Variants in LRRTM3 observed in about 807,000 individuals in gnomAD.
LRRTM3 encodes the protein leucine rich repeat transmembrane neuronal 3.
A neutral mutation model predicts 44.7 loss-of-function variants in LRRTM3; 24 were observed. The observed-to-expected ratio is 0.54, with a 90% CI of 0.39 to 0.76. The LOEUF (loss-of-function observed/expected upper bound fraction) is 0.76. LRRTM3 is among the 30% of genes least tolerant of loss of function. The probability of loss-of-function intolerance (pLI) is 0.00; values close to 1 mark genes in which losing one functional copy is unlikely to be tolerated. For missense variants in LRRTM3, 587 were observed against 702.2 expected (o/e 0.84, Z 1.85); for synonymous variants, 277 against 278.7 (o/e 0.99, Z 0.06).
chr10:67,066,468 G>T (rs552547835), intron 2 of LRRTM3, among the ~76,000 whole-genome samples: 1 of 150,906 alleles, frequency 6.6e-6, no homozygotes, highest in African/African-American at 2.4e-5. Flanking sequence ...TAGAATTGTA[G>T]GTGTGAACCA....
intron 2 of LRRTM3, among the ~76,000 whole-genome samples, chr10:67,091,997 A>T (rs1321950499): frequency 2.0e-5 from 3 of 152,010 alleles, no homozygotes; most frequent in Admixed American, 6.6e-5. Context: ...CTCAACTGAA[A>T]ACCCCTTAAG....
intron 2 of LRRTM3, among the ~76,000 whole-genome samples, chr10:66,974,008 G>T (rs1172752831): frequency 2.0e-5 from 3 of 152,094 alleles, no homozygotes; most frequent in African/African-American, 7.2e-5. Flanking sequence ...TTTACCAACT[G>T]TATACACCAG....
chr10:67,015,818 T>A (rs1198868582), intron 2 of LRRTM3, among the ~76,000 whole-genome samples: 1 of 152,166 alleles, frequency 6.6e-6, no homozygotes, highest in Non-Finnish European at 1.5e-5. Flanking sequence ...CGTATCTTTC[T>A]TCATTATAAA....
At chr10:67,029,461 C>G (rs1261407053) in intron 2 of LRRTM3, among the ~76,000 whole-genome samples, 3 of 152,066 alleles carry the variant, frequency 2.0e-5, no homozygotes, top group Non-Finnish European at 2.9e-5. Context: ...TAGTTACTGT[C>G]TTAGGAAAAG....
rs1184658056 is a variant in LRRTM3 at position 66,927,376 on chromosome 10, C to A, written c.460C>A (p.Arg154=). The change falls in exon 2 of 3, where the codon CGG becomes AGG. Residue 154 remains arginine (R), a synonymous_variant. Transcript: ENST00000361320. This position sits in a 1 kb window ranked among gnomAD's most constrained non-coding sequence, Gnocchi z 4.7. ...GCATTCTCTGGGATCTGAACAGTTT[C>A]GGGGCTTGCGGAAGCTGCTGAGTTT... ...QLHSLGSEQF[R]GLRKLLSLHL... 1.2e-6 allele frequency: 2 copies of A among 1,614,052 alleles called. No individual in the cohort carries two copies. The highest frequency in any genetic ancestry group is 1.1e-5 in the South Asian group (1 of 91,090).
chr10:67,090,363 G>A (rs564582734), intron 2 of LRRTM3, among the ~76,000 whole-genome samples: 219 of 152,192 alleles, frequency 1.4e-3, no homozygotes, highest in African/African-American at 4.9e-3. Context: ...TAAAACTACA[G>A]TATAAACATA....
intron 2 of LRRTM3, among the ~76,000 whole-genome samples, chr10:66,938,028 T>C (rs1445681443): frequency 6.6e-6 from 1 of 152,170 alleles, no homozygotes; most frequent in Non-Finnish European, 1.5e-5. Context: ...TACAGTCTTT[T>C]ATGCATGATA....
chr10:66,960,078 T>G (rs1461646590), intron 2 of LRRTM3, among the ~76,000 whole-genome samples: 1 of 152,124 alleles, frequency 6.6e-6, no homozygotes, highest in African/African-American at 2.4e-5. Flanking sequence ...TTGAAATTTT[T>G]TTTTCTTTGC....
chr10:66,978,354 T>G (rs1589533429), intron 2 of LRRTM3, among the ~76,000 whole-genome samples: 1 of 151,080 alleles, frequency 6.6e-6, no homozygotes, highest in East Asian at 2.0e-4. Context: ...GGCAAAACCC[T>G]GTCTCTACTA....
At chr10:66,971,770 C>T (rs1849737495) in intron 2 of LRRTM3, among the ~76,000 whole-genome samples, 1 of 152,106 alleles carries the variant, frequency 6.6e-6, no homozygotes, top group Admixed American at 6.5e-5. Context: ...ATACCATAAA[C>T]ATAATTTATT....
intron 2 of LRRTM3, among the ~76,000 whole-genome samples, chr10:66,966,372 T>C (rs1589509197): frequency 1.3e-5 from 2 of 152,134 alleles, no homozygotes; most frequent in East Asian, 3.8e-4. Flanking sequence ...CTTTGTATAA[T>C]GAAATGAAAA....
chr10:66,959,725 C>T (rs922622242), intron 2 of LRRTM3, among the ~76,000 whole-genome samples: 3 of 152,178 alleles, frequency 2.0e-5, no homozygotes, highest in East Asian at 1.9e-4. Flanking sequence ...TTCTTAAGCT[C>T]GTCCTAATTT....
At chr10:66,971,213 G>T (rs1248715181) in intron 2 of LRRTM3, among the ~76,000 whole-genome samples, 2 of 152,072 alleles carry the variant, frequency 1.3e-5, no homozygotes, top group African/African-American at 2.4e-5. Flanking sequence ...AGATCACAAG[G>T]TCAGGAGTTC....
At chr10:66,989,207 C>T (rs1345594158) in intron 2 of LRRTM3, among the ~76,000 whole-genome samples, 1 of 152,040 alleles carries the variant, frequency 6.6e-6, no homozygotes, top group Non-Finnish European at 1.5e-5. Flanking sequence ...CTTCTTTCTC[C>T]AATTGACTGT....
At chr10:67,044,748 T>C (rs1416344403) in intron 2 of LRRTM3, among the ~76,000 whole-genome samples, 1 of 152,166 alleles carries the variant, frequency 6.6e-6, no homozygotes, top group Non-Finnish European at 1.5e-5. Context: ...ATAATAGATA[T>C]TTTGCTCAGC....
At chr10:67,028,629 AC>A (rs1853533191) in intron 2 of LRRTM3, among the ~76,000 whole-genome samples, 1 of 146,576 alleles carries the variant, frequency 6.8e-6, no homozygotes, top group Non-Finnish European at 1.5e-5. Flanking sequence ...GATAACTGAT[AC>A]AACAAGCTAG....
chr10:66,951,039 G>T (rs1041695905), intron 2 of LRRTM3, among the ~76,000 whole-genome samples: 2 of 151,350 alleles, frequency 1.3e-5, no homozygotes, highest in African/African-American at 4.9e-5. Flanking sequence ...TTGCCTTGCT[G>T]CACTGTATTT....
chr10:67,052,192 C>T (rs1403702580), intron 2 of LRRTM3, among the ~76,000 whole-genome samples: 1 of 152,112 alleles, frequency 6.6e-6, no homozygotes, highest in Non-Finnish European at 1.5e-5. Flanking sequence ...TCTGTGGTAC[C>T]AGCCAAAAAG....
chr10:67,017,476 A>G (rs1323633287), intron 2 of LRRTM3, among the ~76,000 whole-genome samples: 2 of 152,158 alleles, frequency 1.3e-5, no homozygotes, highest in East Asian at 3.9e-4. Flanking sequence ...TCCACATACC[A>G]TGCTGGCATC....
Sources: gnomAD v4.1 joint callset for allele counts (sites outside exome capture counted in the v4.1 genomes callset) on GRCh38, gnomAD v4.1.1 for gene constraint, Gnocchi (gnomAD v3.1) non-coding constraint, MANE v1.5 for transcripts, NCBI Gene and HGNC (gene_info 2026-07-23, HGNC 2026-07-21) for gene names.